The following ATP8A2 variants were observed in gnomAD, a reference collection of about 807,000 sequenced individuals.
ATP8A2 encodes the protein ATPase phospholipid transporting 8A2, also known as phospholipid-transporting ATPase IB.
A neutral mutation model predicts 165.6 loss-of-function variants in ATP8A2; 100 were observed. The observed-to-expected ratio is 0.60, with a 90% CI of 0.51 to 0.71. ATP8A2 has a LOEUF of 0.71. Among genes scored for constraint, ATP8A2 ranks in the 30% least tolerant of loss-of-function variants. ATP8A2 has a pLI of 0.00. For synonymous variants in ATP8A2, 543 were observed against 548.8 expected, an observed-to-expected ratio of 0.99 and a Z score of 0.15; for missense variants, 1,227 against 1,479.5, an observed-to-expected ratio of 0.83 and a Z score of 2.80.
In ATP8A2 at chr13:25,404,799, G is replaced by A. The variant is rs368328829; in HGVS notation, c.76+32511G>A. Among the ~76,000 whole-genome samples, 7 of 152,172 alleles carry A rather than the reference G, an allele frequency of 4.6e-5. No individual in the cohort carries two copies. The East Asian group carries it at 7.7e-4, about 17-fold the overall frequency. ...CAGCTGGATCTGAGGGTGTGGTGCTGGAAGGTGAGAGACTGGAGAGTCATC... is the reference window on the plus strand; with the variant it reads ...CAGCTGGATCTGAGGGTGTGGTGCTAGAAGGTGAGAGACTGGAGAGTCATC... On this transcript the variant is annotated intron_variant, in intron 1 of 36. Transcript: ENST00000381655.
intron 23 of ATP8A2, among the ~76,000 whole-genome samples, chr13:25,584,624 C>A (rs1034876778): frequency 6.6e-6 from 1 of 152,126 alleles, no homozygotes; most frequent in Non-Finnish European, 1.5e-5. Flanking sequence ...GGAGGAAATT[C>A]TACATTTCCC....
intron 2 of ATP8A2, among the ~76,000 whole-genome samples, chr13:25,526,070 A>C (rs189936743): frequency 6.5e-4 from 99 of 151,850 alleles, no homozygotes; most frequent in Non-Finnish European, 1.5e-4. Flanking sequence ...TGCTTGATTC[A>C]TTCTCCTACT....
chr13:25,930,438 T>C (rs906090355), intron 33 of ATP8A2, among the ~76,000 whole-genome samples: 18 of 149,954 alleles, frequency 1.2e-4, no homozygotes, highest in African/African-American at 2.9e-4. Flanking sequence ...GTGTGGGCTA[T>C]TGCCTCTGTG....
intron 12 of ATP8A2, 87 bp from the exon 13 acceptor site, chr13:25,554,904 T>G: frequency 1.1e-6 from 1 of 898,750 alleles, no homozygotes; most frequent in Non-Finnish European, 1.7e-6. Flanking sequence ...AGATTACCCA[T>G]TCTTAGCTTC....
At position 25,857,570 on chromosome 13, in the gene ATP8A2, C is replaced by CTT. The variant is rs71080207; in HGVS notation, c.2957-2605_2957-2604dup. ...TGTTTCTTTTCTTTTCTTTTTTTTC[C>CTT]TTTTTTTTTTTTTTTTTTTTTGAGG... On this transcript the variant is annotated intron_variant, in intron 30 of 36. Transcript: ENST00000381655. Among the ~76,000 whole-genome samples the CTT allele has an allele frequency of 1.5e-3, 134 of 91,558 alleles. 1 individual carries two copies. Among genetic ancestry groups the CTT allele is most frequent in the East Asian group, 2.7e-3 (9 of 3,282 alleles). 60.1% of individuals were successfully genotyped at this position (91,558 alleles called of 152,430 possible).
chr13:25,372,618 G>A lies in ATP8A2; in HGVS notation c.76+330G>A, dbSNP rs1180334683. Among the ~76,000 whole-genome samples the A allele has an allele frequency of 1.3e-5, 2 of 152,202 alleles. No individual in the cohort carries two copies. On this transcript the variant is annotated intron_variant, in intron 1 of 36. Transcript: ENST00000381655. The surrounding 1 kb of genome is among the most constrained non-coding windows in gnomAD (Gnocchi z 4.8). ...GCCCCTACGCGCGGATGCGGCTCAG[G>A]GATGCGACCTAGGCGGCAGTCACCG...
intron 25 of ATP8A2, among the ~76,000 whole-genome samples, chr13:25,732,806 T>C (rs2043680429): frequency 1.3e-5 from 2 of 152,202 alleles, no homozygotes; most frequent in South Asian, 4.1e-4. Flanking sequence ...TGAAAAAAAG[T>C]TGTACCCTGT....
intron 33 of ATP8A2, among the ~76,000 whole-genome samples, chr13:25,913,049 T>G (rs570040039): frequency 1.3e-5 from 2 of 152,196 alleles, no homozygotes; most frequent in African/African-American, 4.8e-5. Context: ...GGATAAAGAG[T>G]TAAAAATAGC....
At chr13:25,960,691 T>C (rs1955639191) in intron 33 of ATP8A2, among the ~76,000 whole-genome samples, 1 of 152,128 alleles carries the variant, frequency 6.6e-6, no homozygotes, top group Non-Finnish European at 1.5e-5. Context: ...GGCCCCCATC[T>C]CTGTTCAGAG....
intron 24 of ATP8A2, among the ~76,000 whole-genome samples, chr13:25,607,692 A>G (rs1320344171): frequency 6.6e-6 from 1 of 151,732 alleles, no homozygotes; most frequent in Non-Finnish European, 1.5e-5. Flanking sequence ...ATATTTCTGA[A>G]ACAGTGTTTT....
Position 25,635,767 on chromosome 13 carries a change from C to T in ATP8A2, c.2211+46068C>T, listed in dbSNP as rs2041353083. 2.0e-5 allele frequency among the ~76,000 whole-genome samples: 3 copies of T among 152,294 alleles called. No individual in the cohort carries two copies. The South Asian group carries it at 6.2e-4, about 32-fold the overall frequency. On this transcript the variant is annotated intron_variant, in intron 24 of 36. Transcript: ENST00000381655. ...CTCACATCCCCTATCAGAAATGGAACTGCTATAATTATACTGAGCCTCTCT... is the reference window on the plus strand; with the variant it reads ...CTCACATCCCCTATCAGAAATGGAATTGCTATAATTATACTGAGCCTCTCT...
At chr13:25,943,057 C>T (rs181430839) in intron 33 of ATP8A2, among the ~76,000 whole-genome samples, 1 of 152,170 alleles carries the variant, frequency 6.6e-6, no homozygotes, top group Admixed American at 6.5e-5. Flanking sequence ...GAGCTGGAGC[C>T]CTTGTGCTGC....
chr13:25,717,133 G>C (rs929528689), intron 25 of ATP8A2, among the ~76,000 whole-genome samples: 1 of 152,206 alleles, frequency 6.6e-6, no homozygotes, highest in African/African-American at 2.4e-5. Flanking sequence ...CAGAGTGACT[G>C]TCTGAAAGAA....
intron 24 of ATP8A2, among the ~76,000 whole-genome samples, chr13:25,691,178 A>G (rs905994703): frequency 6.6e-6 from 1 of 152,218 alleles, no homozygotes; most frequent in African/African-American, 2.4e-5. Context: ...AAAGGTCAGC[A>G]GGGCCTGGAG....
intron 27 of ATP8A2, among the ~76,000 whole-genome samples, chr13:25,809,380 A>G (rs1461184422): frequency 1.3e-5 from 2 of 152,134 alleles, no homozygotes; most frequent in East Asian, 1.9e-4. Context: ...ATGAAAATCT[A>G]TATTGCTTTG....
At chr13:25,726,253 A>C (rs2043491310) in intron 25 of ATP8A2, among the ~76,000 whole-genome samples, 1 of 152,208 alleles carries the variant, frequency 6.6e-6, no homozygotes, top group Admixed American at 6.5e-5. Context: ...GGCTATAGCT[A>C]CATGTAAATG....
At chr13:25,751,645 A>AGGCTG (rs2044155705) in intron 25 of ATP8A2, among the ~76,000 whole-genome samples, 1 of 152,114 alleles carries the variant, frequency 6.6e-6, no homozygotes, top group Non-Finnish European at 1.5e-5. Context: ...TATGTTGCCC[A>AGGCTG]GGCTGGTCTT....
chr13:25,638,537 C>T (rs924594944), intron 24 of ATP8A2, among the ~76,000 whole-genome samples: 70 of 151,872 alleles, frequency 4.6e-4, no homozygotes, highest in Non-Finnish European at 8.8e-4. Context: ...TGAAATGAAG[C>T]GAGAAGAGAA....
chr13:25,508,434 C>T (rs2037119080), intron 2 of ATP8A2, among the ~76,000 whole-genome samples: 1 of 152,062 alleles, frequency 6.6e-6, no homozygotes, highest in South Asian at 2.1e-4. Flanking sequence ...AAAGTAAATG[C>T]TCATCATAGA....
Sources: gnomAD v4.1 joint callset for allele counts (sites outside exome capture counted in the v4.1 genomes callset) on GRCh38, gnomAD v4.1.1 for gene constraint, Gnocchi (gnomAD v3.1) non-coding constraint, MANE v1.5 for transcripts, NCBI Gene and HGNC (gene_info 2026-07-23, HGNC 2026-07-21) for gene names.